SLC4A1: variants seen among roughly 807,000 people sequenced by gnomAD.
SLC4A1 encodes solute carrier family 4 member 1 (Diego blood group).
Under a neutral mutation model 93.1 loss-of-function variants are expected in SLC4A1, and 29 were observed. The ratio of observed to expected loss-of-function variants is 0.31; its 90% CI spans 0.23 to 0.42. The LOEUF (loss-of-function observed/expected upper bound fraction) is 0.42. Ranked by LOEUF, SLC4A1 falls within the 20% of genes least tolerant of loss-of-function variation. SLC4A1 has a pLI of 1.00. For missense variants in SLC4A1, 965 were observed against 1,190.1 expected, an observed-to-expected ratio of 0.81 and a Z score of 2.78; for synonymous variants, 469 against 497.2, an observed-to-expected ratio of 0.94 and a Z score of 0.76.
chr17:44,259,421 CCAGGCTGAGGGAAAGA>C, intron 8 of SLC4A1, 60 bp downstream of exon 8: 1 of 1,603,700 alleles, frequency 6.2e-7, no homozygotes, highest in South Asian at 1.1e-5. Context: ...CTGCGGGGGT[CCAGGCTGAGGGAAAGA>C]CAGGCTGAGC....
At chr17:44,260,564 GGTA>G in intron 5 of SLC4A1, 25 bp from the exon 6 acceptor site, 1 of 1,614,186 alleles carries the variant, frequency 6.2e-7, no homozygotes, top group South Asian at 1.1e-5. Flanking sequence ...GGAGTGAGCT[GGTA>G]GGCTGGGCCA....
In SLC4A1 at chr17:44,250,311, GC is replaced by G. The variant is rs1567827190; in HGVS notation, c.*146del. ...CCTTTGTGGAAGGTCTCCTGGACAC[GC>G]CTTCCTTCCCCACCCACAGCCCTGG... On this transcript the variant is annotated 3_prime_UTR_variant, in exon 20 of 20. Transcript: ENST00000262418. 6 of 697,684 alleles carry G rather than the reference GC, an allele frequency of 8.6e-6. No homozygotes were observed. In the Admixed American group the frequency reaches 1.3e-4, roughly 15 times the overall value. 43.2% of individuals were successfully genotyped at this position (697,684 alleles called of 1,614,324 possible).
chr17:44,254,469 AGGCC>A, intron 16 of SLC4A1, 23 bp downstream of exon 16: 1 of 665,406 alleles, frequency 1.5e-6, no homozygotes, highest in Non-Finnish European at 2.7e-6. Flanking sequence ...CCACCCTCCC[AGGCC>A]CAGCCCCCAC....
intron 14 of SLC4A1, 87 bp from the exon 15 acceptor site, chr17:44,255,383 C>T: frequency 9.9e-7 from 1 of 1,009,332 alleles, no homozygotes; most frequent in South Asian, 1.4e-5. Context: ...CCCACGGGGC[C>T]CTGCTCTTCC....
chr17:44,256,377 G>C (rs1401557796), intron 13 of SLC4A1, among the ~76,000 whole-genome samples: 1 of 139,910 alleles, frequency 7.1e-6, no homozygotes, highest in Non-Finnish European at 1.7e-5. Flanking sequence ...ACATGAGAAG[G>C]CTGGAGGTCA....
chr17:44,250,140 C>T lies in SLC4A1; in HGVS notation c.*318G>A, dbSNP rs2047325508. The T allele has an allele frequency of 2.6e-6, 1 of 385,902 alleles. No homozygotes were observed. The highest frequency in any genetic ancestry group is 2.6e-5 in the South Asian group (1 of 38,842). 23.9% of individuals were successfully genotyped at this position (385,902 alleles called of 1,614,324 possible). ...CCCACCTCCTGCCTTTGCTTCTACC[C>T]CTGCCTGTGCTGGGAAGAGGGAGGG... On this transcript the variant is annotated 3_prime_UTR_variant, in exon 20 of 20. Transcript: ENST00000262418.
rs1160819819 is a variant in SLC4A1, at chr17:44,249,202, C to T, written c.*1256G>A. 4.4e-6 allele frequency: 2 copies of T among 453,958 alleles called. No homozygotes were observed. Among genetic ancestry groups the T allele is most frequent in the South Asian group, 1.6e-5 (1 of 63,972 alleles). The allele number at this position is 453,958 out of a possible 1,614,324, so 28.1% of individuals were successfully genotyped here. ...TACCACTTCCTGATTCTGTTTCCTC[C>T]ATCTCTCACCACTTTCACGTCTTTC... On this transcript the variant is annotated 3_prime_UTR_variant, in exon 20 of 20. Coordinates refer to ENST00000262418, the MANE Select transcript of SLC4A1 (RefSeq NM_000342.4).
chr17:44,260,912 G>T, intron 4 of SLC4A1, 97 bp from the exon 5 acceptor site: 1 of 1,383,390 alleles, frequency 7.2e-7, no homozygotes, highest in Non-Finnish European at 1.0e-6. Flanking sequence ...TGTGAGGCTT[G>T]GATCCCTGTG....
At chr17:44,256,747 C>A (rs1201879477) in intron 13 of SLC4A1, among the ~76,000 whole-genome samples, 1 of 152,238 alleles carries the variant, frequency 6.6e-6, no homozygotes, top group Admixed American at 6.5e-5. Context: ...CACACAGAGG[C>A]ACCCTCTCAT....
At chr17:44,257,174 T>C (rs1414247224) in intron 13 of SLC4A1, among the ~76,000 whole-genome samples, 176 bp downstream of exon 13, 6 of 152,020 alleles carry the variant, frequency 3.9e-5, no homozygotes, top group Non-Finnish European at 1.5e-5. Context: ...GTATTTTTAA[T>C]AGAGATGGAG....
In SLC4A1 at chr17:44,258,325, G is replaced by T; in HGVS notation, c.1087+88C>A. The T allele has an allele frequency of 7.0e-7, 1 of 1,438,848 alleles. No homozygotes were observed. Among genetic ancestry groups the T allele is most frequent in the African/African-American group, 1.4e-5 (1 of 71,490 alleles). 89.1% of individuals were successfully genotyped at this position (1,438,848 alleles called of 1,614,324 possible). A position where few individuals can be genotyped will look rare whatever the true frequency, so the allele number is the denominator to read the frequency against. ...ATGTGGGCAAAGGGAGCGATGAGAG[G>T]GGAACATGTGATGGGAGACAGAGGC... On this transcript the variant is annotated intron_variant, in intron 10 of 19. Transcript: ENST00000262418. This position sits in a 1 kb window ranked among gnomAD's most constrained non-coding sequence, Gnocchi z 6.1.
chr17:44,255,906 C>A, intron 13 of SLC4A1, 60 bp from the exon 14 acceptor site: 2 of 1,517,924 alleles, frequency 1.3e-6, no homozygotes, highest in Non-Finnish European at 1.8e-6. Context: ...CTGGAAAATA[C>A]CACCAGCTAA....
chr17:44,253,588 C>T (rs948843102), intron 16 of SLC4A1, among the ~76,000 whole-genome samples: 71 of 149,428 alleles, frequency 4.8e-4, no homozygotes, highest in African/African-American at 1.5e-4. Context: ...TCGCAGGCAA[C>T]GAAGCTTCAG....
In SLC4A1 at chr17:44,249,265, T is replaced by G. The variant is rs1039998603; in HGVS notation, c.*1193A>C. The G allele has an allele frequency of 6.8e-6, 3 of 442,090 alleles. No homozygotes were observed. The highest frequency in any genetic ancestry group is 2.0e-5 in the African/African-American group (1 of 49,194). 27.4% of individuals were successfully genotyped at this position (442,090 alleles called of 1,614,324 possible). A position where few individuals can be genotyped will look rare whatever the true frequency, so the allele number is the denominator to read the frequency against. ...CTTTTTGTTTTATAAAAAAATAAAT[T>G]TGCCCATGTTCTTGGAGAGCCTGCT... On this transcript the variant is annotated 3_prime_UTR_variant, in exon 20 of 20. Transcript: ENST00000262418.
Position 44,262,930 on chromosome 17 carries a change from G to A in SLC4A1, c.-64C>T. On this transcript the variant is annotated 5_prime_UTR_variant, in exon 2 of 20. Coordinates refer to ENST00000262418, the MANE Select transcript of SLC4A1 (RefSeq NM_000342.4). ...AGCCCCCAGCATAACCCGCACCGCG[G>A]GTCCCTGCAGCAGAGGGCACAGGCT... 6.2e-7 allele frequency: 1 copy of A among 1,612,522 alleles called. No homozygotes were observed. Among genetic ancestry groups the A allele is most frequent in the African/African-American group, 1.3e-5 (1 of 75,016 alleles).
At chr17:44,261,530 C>G in intron 4 of SLC4A1, 45 bp downstream of exon 4, 1 of 1,614,108 alleles carries the variant, frequency 6.2e-7, no homozygotes, top group Non-Finnish European at 8.5e-7. Context: ...AATGGTGGGT[C>G]CCAAAGGCAG....
chr17:44,262,502 A>G, intron 3 of SLC4A1, 134 bp downstream of exon 3: 1 of 681,134 alleles, frequency 1.5e-6, no homozygotes, highest in Non-Finnish European at 2.6e-6. Context: ...TCCTTCAATC[A>G]GCCAGAATTG....
At chr17:44,250,832 A>G (rs117273814) in intron 19 of SLC4A1, among the ~76,000 whole-genome samples, 1,584 of 152,260 alleles carry the variant, frequency 0.01, 51 homozygotes, top group East Asian at 0.071. Context: ...GAAGAATCCT[A>G]TTAGAGGAGT....
At chr17:44,250,995 A>G (rs1361280305) in intron 19 of SLC4A1, among the ~76,000 whole-genome samples, 164 bp downstream of exon 19, 3 of 152,152 alleles carry the variant, frequency 2.0e-5, no homozygotes, top group African/African-American at 7.2e-5. Flanking sequence ...CAGAGAAACA[A>G]GGCCCCGTGC....
Sources: allele counts gnomAD v4.1 joint callset (sites outside exome capture counted in the v4.1 genomes callset), GRCh38; gene constraint gnomAD v4.1.1; non-coding constraint Gnocchi (gnomAD v3.1); transcripts MANE v1.5; gene names NCBI Gene and HGNC (gene_info 2026-07-23, HGNC 2026-07-21).